The following CSMD1 variants were observed in gnomAD, a reference collection of about 807,000 sequenced individuals.
CSMD1 encodes CUB and sushi domain-containing protein 1.
CSMD1 carries 213 observed loss-of-function variants against 417.5 expected under a neutral mutation model. The observed-to-expected ratio is 0.51, with a 90% CI of 0.46 to 0.57. The LOEUF is 0.57. Ranked by LOEUF, CSMD1 falls within the 20% of genes least tolerant of loss-of-function variation. CSMD1 has a pLI of 0.00. For missense variants in CSMD1, 6,923 were observed against 4,529.7 expected, an observed-to-expected ratio of 1.53 and a Z score of -15.17; for synonymous variants, 2,862 against 1,736.8, an observed-to-expected ratio of 1.65 and a Z score of -16.11.
At chr8:4,794,563 TGAGA>T (rs1452745354) in intron 1 of CSMD1, among the ~76,000 whole-genome samples, 1 of 152,166 alleles carries the variant, frequency 6.6e-6, no homozygotes, top group Non-Finnish European at 1.5e-5. Flanking sequence ...ACCTATGTGC[TGAGA>T]GATTCTTCCC....
At chr8:4,084,178 T>G (rs568353359) in intron 3 of CSMD1, among the ~76,000 whole-genome samples, 1 of 152,174 alleles carries the variant, frequency 6.6e-6, no homozygotes, top group Non-Finnish European at 1.5e-5. Flanking sequence ...AGAGAAAGAA[T>G]TTTAAAATGT....
At chr8:2,974,091 G>GGTAGAGGATGATC (rs1411225925) in intron 56 of CSMD1, among the ~76,000 whole-genome samples, 12 of 151,504 alleles carry the variant, frequency 7.9e-5, no homozygotes, top group Non-Finnish European at 1.8e-4. Context: ...AGAGGATGAT[G>GGTAGAGGATGATC]GTAGAGGATG....
intron 2 of CSMD1, among the ~76,000 whole-genome samples, chr8:4,493,959 G>T (rs576306699): frequency 3.9e-5 from 6 of 152,058 alleles, no homozygotes; most frequent in Admixed American, 3.3e-4. Flanking sequence ...AGGTCAACTT[G>T]GTTCTACTGA....
chr8:4,558,855 G>A (rs2130601383), intron 2 of CSMD1, among the ~76,000 whole-genome samples: 1 of 152,268 alleles, frequency 6.6e-6, no homozygotes, highest in Middle Eastern at 3.4e-3. Context: ...GCAACAAAGT[G>A]AGACTCCGTC....
At chr8:2,961,078 T>C in intron 62 of CSMD1, 63 bp downstream of exon 62, 1 of 1,155,870 alleles carries the variant, frequency 8.7e-7, no homozygotes, top group Non-Finnish European at 1.2e-6. Context: ...CTCACATATG[T>C]TTAAGTAACA....
intron 7 of CSMD1, among the ~76,000 whole-genome samples, chr8:3,630,304 CA>C (rs1796714995): frequency 6.6e-6 from 1 of 152,130 alleles, no homozygotes; most frequent in Admixed American, 6.6e-5. Context: ...AAAAGATGGG[CA>C]GGAATTACCT....
rs931571851 is a variant in CSMD1, at chr8:4,470,044, G to T, written c.303-49979C>A. Among the ~76,000 whole-genome samples the T allele has an allele frequency of 1.4e-4, 21 of 151,756 alleles. 1 individual carries two copies. Among genetic ancestry groups the T allele is most frequent in the African/African-American group, 4.8e-4 (20 of 41,310 alleles). On this transcript the variant is annotated intron_variant, in intron 2 of 69. Transcript: ENST00000635120. ...TAACATGCCCGGCTAATTTCTTTTT[G>T]TATTTTTAGTAGAGATGGGGTTTCA...
intron 11 of CSMD1, among the ~76,000 whole-genome samples, chr8:3,488,115 C>G (rs1369930760): frequency 8.6e-6 from 1 of 116,840 alleles, no homozygotes; most frequent in African/African-American, 3.3e-5. Context: ...TATTATTTTT[C>G]TTTTTGAAAT....
At chr8:4,160,088 A>T (rs904888850) in intron 3 of CSMD1, among the ~76,000 whole-genome samples, 34 of 89,106 alleles carry the variant, frequency 3.8e-4, no homozygotes, top group African/African-American at 1.4e-3. Context: ...TGGAATTTAA[A>T]AAAAAAAAGA....
intron 3 of CSMD1, among the ~76,000 whole-genome samples, chr8:4,043,769 A>G (rs967932242): frequency 3.3e-5 from 5 of 152,206 alleles, no homozygotes; most frequent in African/African-American, 7.2e-5. Context: ...GCTCTTTCAA[A>G]TGCTGGAACG....
At chr8:4,660,017 C>A (rs190466904) in intron 1 of CSMD1, among the ~76,000 whole-genome samples, 1 of 149,190 alleles carries the variant, frequency 6.7e-6, no homozygotes, top group African/African-American at 2.5e-5. Context: ...TATAATTATA[C>A]TTAATAGTGA....
intron 3 of CSMD1, among the ~76,000 whole-genome samples, chr8:4,350,855 G>A (rs117904648): frequency 3.2e-3 from 483 of 152,298 alleles, no homozygotes; most frequent in Non-Finnish European, 5.4e-3. Context: ...CTATCTGCCA[G>A]TGGCTCTAGT....
At position 3,956,525 on chromosome 8, in the gene CSMD1, C is replaced by T. The variant is rs865781624; in HGVS notation, c.818+41378G>A. Among the ~76,000 whole-genome samples, 10 of 152,258 alleles carry T rather than the reference C, an allele frequency of 6.6e-5. No individual in the cohort carries two copies. The South Asian group carries it at 1.5e-3, about 22-fold the overall frequency. On this transcript the variant is annotated intron_variant, in intron 5 of 69. Coordinates refer to ENST00000635120, the MANE Select transcript of CSMD1 (RefSeq NM_033225.6). ...AAAATAAAGAGGACAGGTGGAAACT[C>T]AGTAAAAATAATGGCTACTTTTTAT... is the stretch of plus-strand genomic sequence containing the variant.
chr8:4,396,717 T>C (rs1298263532), intron 3 of CSMD1, among the ~76,000 whole-genome samples: 3 of 152,066 alleles, frequency 2.0e-5, no homozygotes, highest in Non-Finnish European at 4.4e-5. Flanking sequence ...AATGAAATCA[T>C]GGCATTTGCA....
At chr8:4,813,128 A>C (rs1227315219) in intron 1 of CSMD1, among the ~76,000 whole-genome samples, 2 of 152,216 alleles carry the variant, frequency 1.3e-5, no homozygotes, top group Admixed American at 6.5e-5. Context: ...AAATATGTTA[A>C]GCTCTCGCTA....
chr8:3,331,027 G>C (rs1563279662), intron 23 of CSMD1, among the ~76,000 whole-genome samples: 1 of 152,004 alleles, frequency 6.6e-6, no homozygotes, highest in African/African-American at 2.4e-5. Context: ...GAGGCGGGCG[G>C]ATCACCAGGT....
chr8:3,461,657 C>T (rs1474177448), intron 12 of CSMD1, among the ~76,000 whole-genome samples: 1 of 152,172 alleles, frequency 6.6e-6, no homozygotes, highest in Non-Finnish European at 1.5e-5. Context: ...GATCCTCATG[C>T]CCAAGGCCTC....
chr8:3,660,058 G>A (rs773807658), intron 7 of CSMD1, among the ~76,000 whole-genome samples: 13 of 152,178 alleles, frequency 8.5e-5, no homozygotes, highest in Admixed American at 2.6e-4. Flanking sequence ...TCAGCAACAC[G>A]CTATGAAGTA....
intron 1 of CSMD1, among the ~76,000 whole-genome samples, chr8:4,678,187 G>T (rs1805814318): frequency 6.6e-6 from 1 of 152,058 alleles, no homozygotes; most frequent in African/African-American, 2.4e-5. Context: ...GAGGCGTGTA[G>T]ATCACATGAG....
Sources: gnomAD v4.1 joint callset for allele counts (sites outside exome capture counted in the v4.1 genomes callset) on GRCh38, gnomAD v4.1.1 for gene constraint, MANE v1.5 for transcripts, NCBI Gene and HGNC (gene_info 2026-07-23, HGNC 2026-07-21) for gene names.